The following ARHGAP6 variants were observed in gnomAD, a reference collection of about 807,000 sequenced individuals.
ARHGAP6 encodes the protein Rho GTPase activating protein 6.
ARHGAP6 carries 16 observed loss-of-function variants against 55.7 expected under a neutral mutation model. That is an observed-to-expected ratio of 0.29 (90% confidence interval 0.19 to 0.44). The LOEUF (loss-of-function observed/expected upper bound fraction) is 0.44, where lower values mean the gene tolerates loss of function less well. ARHGAP6 is among the 20% of genes least tolerant of loss of function. The pLI, the probability that ARHGAP6 is intolerant of heterozygous loss-of-function variation, is 1.00. For synonymous variants in ARHGAP6, 382 were observed against 360.9 expected (o/e 1.06, Z -0.66); for missense variants, 698 against 808.9 (o/e 0.86, Z 1.66).
At chrX:11,627,384 A>G (rs749669617) in intron 1 of ARHGAP6, among the ~76,000 whole-genome samples, 2 of 111,876 alleles carry the variant, frequency 1.8e-5, no homozygotes, top group South Asian at 7.4e-4. Flanking sequence ...CATCAATAGG[A>G]AAAGAGATAA....
intron 1 of ARHGAP6, among the ~76,000 whole-genome samples, chrX:11,558,695 G>T (rs2051347909): frequency 9.3e-6 from 1 of 107,516 alleles, no homozygotes; most frequent in Non-Finnish European, 1.9e-5. Flanking sequence ...AATTAGCTGG[G>T]AGTAGTGGTG....
rs902622801 is a variant in ARHGAP6 at position 11,138,816 on chromosome X, T to C, written c.*47A>G. On this transcript the variant is annotated 3_prime_UTR_variant, in exon 13 of 13. Transcript: ENST00000337414. ...CCACCACCCACGGTCCCCCCTGGGC[T>C]GGAGGGCGGGGGGCTCGGGGCAGGG... 9.7e-6 allele frequency: 11 copies of C among 1,137,292 alleles called. No individual in the cohort carries two copies. Among genetic ancestry groups the C allele is most frequent in the Non-Finnish European group, 1.0e-5 (9 of 858,661 alleles). 93.7% of individuals were successfully genotyped at this position (1,137,292 alleles called of 1,213,427 possible). A position where few individuals can be genotyped will look rare whatever the true frequency, so the allele number is the denominator to read the frequency against.
At chrX:11,607,053 C>G (rs923295528) in intron 1 of ARHGAP6, among the ~76,000 whole-genome samples, 3 of 112,257 alleles carry the variant, frequency 2.7e-5, no homozygotes, top group African/African-American at 9.7e-5. Flanking sequence ...GTTGCCAACT[C>G]ATGAACTAAT....
At chrX:11,598,456 T>G (rs897600704) in intron 1 of ARHGAP6, among the ~76,000 whole-genome samples, 5 of 112,055 alleles carry the variant, frequency 4.5e-5, no homozygotes, top group African/African-American at 1.6e-4. Context: ...GCCCTGGCAG[T>G]GAGCAAAGTA....
chrX:11,491,474 T>C lies in ARHGAP6; in HGVS notation c.588+172767A>G, dbSNP rs761863868. 2.2e-4 allele frequency among the ~76,000 whole-genome samples: 24 copies of C among 110,707 alleles called. 1 individual carries two copies. The highest frequency in any genetic ancestry group is 4.0e-4 in the Non-Finnish European group (21 of 52,935). On this transcript the variant is annotated intron_variant, in intron 1 of 12. Transcript: ENST00000337414. ...TGAGAATATGCGGTGTCTGGTTTTT[T>C]CTTCTTGCGATAGTTTACTGAGAAT...
intron 1 of ARHGAP6, among the ~76,000 whole-genome samples, chrX:11,523,019 C>G (rs988554207): frequency 3.6e-5 from 4 of 111,722 alleles, no homozygotes; most frequent in African/African-American, 1.3e-4. Context: ...AGCAGCACAT[C>G]AAGAAGCTTC....
chrX:11,355,574 T>C (rs943824158), intron 1 of ARHGAP6, among the ~76,000 whole-genome samples: 2 of 112,330 alleles, frequency 1.8e-5, no homozygotes, highest in Admixed American at 9.4e-5. Flanking sequence ...AGACTATATC[T>C]AAAGAAAACA....
At chrX:11,390,700 C>G (rs372760471) in intron 1 of ARHGAP6, among the ~76,000 whole-genome samples, 124 of 111,784 alleles carry the variant, frequency 1.1e-3, no homozygotes, top group Non-Finnish European at 1.6e-3. Flanking sequence ...GCAGCCAATA[C>G]ACACATGACA....
chrX:11,481,241 G>A (rs1240924686), intron 1 of ARHGAP6, among the ~76,000 whole-genome samples: 1 of 111,475 alleles, frequency 9.0e-6, no homozygotes, highest in Non-Finnish European at 1.9e-5. Flanking sequence ...GATCCTCCGT[G>A]GCTGTATTAC....
chrX:11,568,825 T>C (rs1052290504), intron 1 of ARHGAP6, among the ~76,000 whole-genome samples: 2 of 110,564 alleles, frequency 1.8e-5, no homozygotes, highest in Non-Finnish European at 3.8e-5. Flanking sequence ...TTATGCAGAA[T>C]ATGCTAGCAG....
intron 1 of ARHGAP6, among the ~76,000 whole-genome samples, chrX:11,497,577 C>CTCTCTCTCTCTCTA (rs2050636812): frequency 1.1e-5 from 1 of 89,814 alleles, no homozygotes; most frequent in Non-Finnish European, 2.2e-5. Context: ...CTCTCTCTCT[C>CTCTCTCTCTCTCTA]TCTCTCTCTC....
At chrX:11,527,737 C>T (rs1478216320) in intron 1 of ARHGAP6, among the ~76,000 whole-genome samples, 1 of 112,513 alleles carries the variant, frequency 8.9e-6, no homozygotes, top group Admixed American at 9.4e-5. Context: ...ACAGGTCACT[C>T]AGTTAAATTT....
chrX:11,331,412 T>G (rs1210228296), intron 1 of ARHGAP6, among the ~76,000 whole-genome samples: 1 of 111,941 alleles, frequency 8.9e-6, no homozygotes, highest in African/African-American at 3.2e-5. Flanking sequence ...TTCCCCTGTA[T>G]GTTAGGTATT....
chrX:11,504,682 C>T (rs1394366275), intron 1 of ARHGAP6, among the ~76,000 whole-genome samples: 1 of 112,164 alleles, frequency 8.9e-6, no homozygotes, highest in Non-Finnish European at 1.9e-5. Context: ...AAAACACATA[C>T]ACACCCACTG....
chrX:11,462,448 T>C (rs1039364600), intron 1 of ARHGAP6, among the ~76,000 whole-genome samples: 1 of 112,293 alleles, frequency 8.9e-6, no homozygotes, highest in African/African-American at 3.2e-5. Flanking sequence ...AATGGCGTCC[T>C]TGTGTTTCCT....
At chrX:11,567,723 CA>C (rs2051462203) in intron 1 of ARHGAP6, among the ~76,000 whole-genome samples, 1 of 109,138 alleles carries the variant, frequency 9.2e-6, no homozygotes. Context: ...GTCTGGAGTG[CA>C]GTGCTGCAAT....
intron 1 of ARHGAP6, among the ~76,000 whole-genome samples, chrX:11,269,399 G>A (rs1451526596): frequency 1.8e-5 from 2 of 111,741 alleles, no homozygotes; most frequent in Non-Finnish European, 3.8e-5. Flanking sequence ...TATAAAAGAA[G>A]ACAAATATAT....
chrX:11,227,776 T>C (rs1481641737), intron 2 of ARHGAP6, among the ~76,000 whole-genome samples: 4 of 110,510 alleles, frequency 3.6e-5, no homozygotes, highest in African/African-American at 1.3e-4. Context: ...CCAAATGCTT[T>C]TAAAATCTTT....
chrX:11,443,136 G>C (rs2050057103), intron 1 of ARHGAP6, among the ~76,000 whole-genome samples: 1 of 111,911 alleles, frequency 8.9e-6, no homozygotes, highest in African/African-American at 3.3e-5. Flanking sequence ...AAACACCATT[G>C]ATCTGTTTGC....
Sources: gnomAD v4.1 joint callset for allele counts (sites outside exome capture counted in the v4.1 genomes callset) on GRCh38, gnomAD v4.1.1 for gene constraint, MANE v1.5 for transcripts, NCBI Gene and HGNC (gene_info 2026-07-23, HGNC 2026-07-21) for gene names.